The following NTRK2 variants were observed in gnomAD, a reference collection of about 807,000 sequenced individuals.
The protein encoded by NTRK2 is neurotrophic receptor tyrosine kinase 2, also known as BDNF/NT-3 growth factors receptor.
NTRK2 carries 13 observed loss-of-function variants against 94.5 expected under a neutral mutation model. The ratio of observed to expected loss-of-function variants is 0.14; its 90% CI spans 0.09 to 0.22. NTRK2 has a LOEUF of 0.22. Among genes scored for constraint, NTRK2 ranks in the 10% least tolerant of loss-of-function variants. NTRK2 has a pLI of 1.00. For missense variants in NTRK2, 639 were observed against 1,071.2 expected (o/e 0.60, Z 5.63); for synonymous variants, 372 against 407.4 (o/e 0.91, Z 1.05).
At chr9:84,787,663 G>C (rs1415017928) in intron 12 of NTRK2, among the ~76,000 whole-genome samples, 2 of 152,138 alleles carry the variant, frequency 1.3e-5, no homozygotes, top group Non-Finnish European at 2.9e-5. Flanking sequence ...CACCTTATTA[G>C]CTATGTGACC....
At chr9:85,016,530 A>G in intron 17 of NTRK2, among the ~76,000 whole-genome samples, 1 of 152,212 alleles carries the variant, frequency 6.6e-6, no homozygotes, top group Admixed American at 6.5e-5. Context: ...CATGAGGGCA[A>G]GTTGCCAAGT....
At chr9:84,735,156 C>T (rs750870464) in intron 9 of NTRK2, among the ~76,000 whole-genome samples, 2 of 152,006 alleles carry the variant, frequency 1.3e-5, no homozygotes, top group Admixed American at 6.6e-5. Context: ...AGTTCCAGGC[C>T]AGTCTGGTCA....
intron 12 of NTRK2, among the ~76,000 whole-genome samples, chr9:84,824,137 A>G (rs1028055747): frequency 8.5e-5 from 13 of 152,172 alleles, no homozygotes; most frequent in African/African-American, 3.1e-4. Flanking sequence ...TCATATGTGT[A>G]CACCTGTCAG....
chr9:84,673,338 C>A (rs1446698794), intron 2 of NTRK2, among the ~76,000 whole-genome samples: 1 of 152,158 alleles, frequency 6.6e-6, no homozygotes, highest in Non-Finnish European at 1.5e-5. Flanking sequence ...GCTTGCACAG[C>A]TTTTAAATTC....
At chr9:84,707,944 AATGTTTT>A (rs1339710383) in intron 5 of NTRK2, 32 bp downstream of exon 5, 2 of 1,568,820 alleles carry the variant, frequency 1.3e-6, no homozygotes, top group Non-Finnish European at 1.8e-6. Flanking sequence ...CATTTGGGGA[AATGTTTT>A]CAAAGGAAGG....
intron 17 of NTRK2, among the ~76,000 whole-genome samples, chr9:84,960,532 T>C (rs1461146966): frequency 1.3e-5 from 2 of 152,238 alleles, no homozygotes; most frequent in Non-Finnish European, 2.9e-5. Flanking sequence ...GGTGGATGGA[T>C]GGATGGATAG....
At chr9:84,833,289 G>A (rs1233581563) in intron 12 of NTRK2, among the ~76,000 whole-genome samples, 1 of 152,088 alleles carries the variant, frequency 6.6e-6, no homozygotes, top group East Asian at 1.9e-4. Context: ...CCACACTAGA[G>A]GAACTAAGTA....
At position 84,679,491 on chromosome 9, in the gene NTRK2, G is replaced by A. The variant is rs562948219; in HGVS notation, c.212+8531G>A. On this transcript the variant is annotated intron_variant, in intron 2 of 18. Coordinates refer to ENST00000277120, the MANE Select transcript of NTRK2 (RefSeq NM_006180.6). ...GGGAAAGGCGACAAAGTATAGGAAC[G>A]TGGTATAACTGAAAGGAGCGCTGGT... 7.2e-5 allele frequency among the ~76,000 whole-genome samples: 11 copies of A among 152,292 alleles called. No homozygotes were observed. In the South Asian group the frequency reaches 1.9e-3, roughly 26 times the overall value.
At chr9:84,900,148 T>C (rs965320740) in intron 14 of NTRK2, among the ~76,000 whole-genome samples, 1 of 152,164 alleles carries the variant, frequency 6.6e-6, no homozygotes, top group Non-Finnish European at 1.5e-5. Flanking sequence ...GTTTCATTAG[T>C]GTCAGGAAAG....
At chr9:84,757,909 T>C (rs977132878) in intron 12 of NTRK2, among the ~76,000 whole-genome samples, 1 of 152,110 alleles carries the variant, frequency 6.6e-6, no homozygotes, top group Admixed American at 6.5e-5. Context: ...TGTGAATAGA[T>C]TACCTTGCAT....
At chr9:84,696,145 G>A (rs1045035875) in intron 2 of NTRK2, among the ~76,000 whole-genome samples, 1 of 152,146 alleles carries the variant, frequency 6.6e-6, no homozygotes, top group Non-Finnish European at 1.5e-5. Context: ...AAGCAGCTGG[G>A]ACCACAGGCA....
intron 9 of NTRK2, among the ~76,000 whole-genome samples, chr9:84,736,153 A>G (rs2063245691): frequency 6.6e-6 from 1 of 152,192 alleles, no homozygotes; most frequent in South Asian, 2.1e-4. Flanking sequence ...CCTCGTTTTA[A>G]AGCTTACCAT....
At chr9:84,767,325 A>C (rs2066132694) in intron 12 of NTRK2, among the ~76,000 whole-genome samples, 1 of 152,212 alleles carries the variant, frequency 6.6e-6, no homozygotes, top group African/African-American at 2.4e-5. Flanking sequence ...TTAAACATTA[A>C]GTAGAACCCA....
Position 85,025,544 on chromosome 9 carries a change from A to G in NTRK2, c.*4107A>G, listed in dbSNP as rs1435431431. On this transcript the variant is annotated 3_prime_UTR_variant, in exon 19 of 19. Transcript: ENST00000277120. ...CTTTTCAAAGCGTCCTAACAGCAGG[A>G]TTACCTGGTCAAGTATGGACTTTCT... is the stretch of plus-strand genomic sequence containing the variant. 8.6e-6 allele frequency: 2 copies of G among 233,136 alleles called. No individual in the cohort carries two copies. Among genetic ancestry groups the G allele is most frequent in the African/African-American group, 4.4e-5 (2 of 45,338 alleles). 14.4% of individuals were successfully genotyped at this position (233,136 alleles called of 1,614,324 possible).
chr9:84,850,204 G>A (rs1311899336), intron 12 of NTRK2, among the ~76,000 whole-genome samples: 1 of 151,584 alleles, frequency 6.6e-6, no homozygotes, highest in African/African-American at 2.4e-5. Flanking sequence ...TACATGTCTG[G>A]TGGGGAAAAA....
chr9:84,720,468 C>T (rs2061988000), intron 6 of NTRK2, among the ~76,000 whole-genome samples: 1 of 152,296 alleles, frequency 6.6e-6, no homozygotes, highest in East Asian at 1.9e-4. Flanking sequence ...TTGACCACCC[C>T]CTTCCTCAAA....
In NTRK2 at chr9:84,701,215, T is replaced by C. The variant is rs118082370; in HGVS notation, c.213-944T>C. 3.5e-3 allele frequency among the ~76,000 whole-genome samples: 539 copies of C among 152,368 alleles called. 23 individuals carry two copies. The East Asian group carries it at 0.085, about 24-fold the overall frequency. ...TGACATCTAGCCTGAGAGACAGTTG[T>C]ATCTAAAGGCTCAAGTGGTATTTTT... On this transcript the variant is annotated intron_variant, in intron 2 of 18. Transcript: ENST00000277120.
intron 14 of NTRK2, among the ~76,000 whole-genome samples, chr9:84,903,373 G>A (rs1487660229): frequency 6.6e-6 from 1 of 152,188 alleles, no homozygotes; most frequent in Non-Finnish European, 1.5e-5. Context: ...GGAAGCCATA[G>A]GAAAGGAGTA....
chr9:84,841,609 T>C (rs111350189), intron 12 of NTRK2, among the ~76,000 whole-genome samples: 12 of 152,302 alleles, frequency 7.9e-5, no homozygotes, highest in African/African-American at 2.9e-4. Flanking sequence ...AGGTCTTTGT[T>C]CAAATATCAC....
Sources: gnomAD v4.1 joint callset for allele counts (sites outside exome capture counted in the v4.1 genomes callset) on GRCh38, gnomAD v4.1.1 for gene constraint, MANE v1.5 for transcripts, NCBI Gene and HGNC (gene_info 2026-07-23, HGNC 2026-07-21) for gene names.